FBXL13: variants seen among roughly 807,000 people sequenced by gnomAD.
FBXL13 encodes the protein F-box and leucine-rich repeat protein 13.
In FBXL13, 67 loss-of-function variants were observed where a neutral mutation model predicts 83.6. That is an observed-to-expected ratio of 0.80 (90% CI 0.66 to 0.98). The LOEUF (loss-of-function observed/expected upper bound fraction) is 0.98. FBXL13 is among the 50% of genes least tolerant of loss of function. The pLI, the probability that FBXL13 is intolerant of heterozygous loss-of-function variation, is 0.00. For synonymous variants in FBXL13, 272 were observed against 299.5 expected (o/e 0.91, Z 0.95); for missense variants, 822 against 866.5 (o/e 0.95, Z 0.64).
intron 10 of FBXL13, among the ~76,000 whole-genome samples, chr7:102,920,398 T>C (rs541625909): frequency 1.3e-5 from 2 of 152,118 alleles, no homozygotes; most frequent in Non-Finnish European, 2.9e-5. Flanking sequence ...GACAGGGTCT[T>C]ACTCTGTCAC....
intron 18 of FBXL13, among the ~76,000 whole-genome samples, chr7:102,832,615 G>T (rs576483345): frequency 1.4e-4 from 21 of 152,096 alleles, no homozygotes; most frequent in Non-Finnish European, 2.8e-4. Context: ...TTTGACACAT[G>T]TTTATATTTG....
Position 102,884,293 on chromosome 7 carries a change from C to T in FBXL13, c.1028G>A (p.Arg343Lys), listed in dbSNP as rs770605328. The T allele has an allele frequency of 5.6e-6, 9 of 1,613,500 alleles. No homozygotes were observed. The South Asian group carries it at 8.8e-5, about 16-fold the overall frequency. ...TCCAGTGCAGCTGTTTGCAATGTAC[C>T]TGAAGCCTTGGACTGAAATCTGAAT... The change falls in exon 12 of 20, where the codon AGG becomes AAG. Residue 343 changes from arginine to lysine, a missense_variant. Physicochemically the swap from Arg to Lys is conservative, Grantham distance 26. Coordinates refer to ENST00000313221, the Ensembl canonical transcript of FBXL13.
At chr7:103,044,615 G>C (rs777167785) in intron 2 of FBXL13, among the ~76,000 whole-genome samples, 13 of 152,186 alleles carry the variant, frequency 8.5e-5, no homozygotes, top group Admixed American at 8.5e-4. Context: ...GCTGATTATT[G>C]TTCAAGTTAG....
At chr7:102,901,591 A>T (rs1812970935) in intron 11 of FBXL13, among the ~76,000 whole-genome samples, 1 of 151,682 alleles carries the variant, frequency 6.6e-6, no homozygotes, top group Non-Finnish European at 1.5e-5. Context: ...TCATCCTTCT[A>T]CTCTCTATGC....
intron 8 of FBXL13, among the ~76,000 whole-genome samples, chr7:102,960,656 C>A (rs1825042795): frequency 6.6e-6 from 1 of 151,984 alleles, no homozygotes; most frequent in African/African-American, 2.4e-5. Flanking sequence ...GGGCTTCATC[C>A]CTGGGATGCA....
In FBXL13 at chr7:102,842,684, C is replaced by T. The variant is rs542069708; in HGVS notation, c.1720-9710G>A. Among the ~76,000 whole-genome samples the T allele has an allele frequency of 3.3e-5, 5 of 152,124 alleles. No homozygotes were observed. In the South Asian group the frequency reaches 6.2e-4, roughly 19 times the overall value. ...GAACAGGCTGGTCATAGGCCATTGT[C>T]GGGGAGGAAGATTTTGACTGGACTG... On this transcript the variant is annotated intron_variant, in intron 17 of 19. Coordinates refer to ENST00000313221, the Ensembl canonical transcript of FBXL13.
intron 18 of FBXL13, among the ~76,000 whole-genome samples, chr7:102,831,321 GAT>G (rs1800625638): frequency 6.6e-6 from 1 of 151,924 alleles, no homozygotes; most frequent in African/African-American, 2.4e-5. Flanking sequence ...GGTCTGGAGG[GAT>G]GGGATCTTAT....
At chr7:102,884,786 T>C (rs1410748955) in intron 11 of FBXL13, among the ~76,000 whole-genome samples, 2 of 152,218 alleles carry the variant, frequency 1.3e-5, no homozygotes, top group East Asian at 1.9e-4. Context: ...CATTAAGCAA[T>C]TGCTGCCTAT....
exon 1 of FBXL13, chr7:103,074,539 T>A (rs1799450774): frequency 8.3e-7 from 1 of 1,210,426 alleles, no homozygotes; most frequent in African/African-American, 1.6e-5. Flanking sequence ...CGCCTACAAG[T>A]CCGAATTTGA....
intron 16 of FBXL13, among the ~76,000 whole-genome samples, chr7:102,860,463 G>A (rs1806642986): frequency 6.6e-6 from 1 of 152,212 alleles, no homozygotes; most frequent in Non-Finnish European, 1.5e-5. Context: ...GACTTCATGT[G>A]CAAAGTGTGA....
chr7:103,030,232 T>C (rs1360375039), intron 2 of FBXL13: 2 of 152,218 alleles, frequency 1.3e-5, no homozygotes, highest in Non-Finnish European at 1.5e-5. Context: ...TTGCTGTAAA[T>C]ACTTTGTTAA....
chr7:102,883,227 C>G, intron 14 of FBXL13, 78 bp downstream of exon 15: 2 of 1,378,052 alleles, frequency 1.5e-6, no homozygotes, highest in South Asian at 1.5e-5. Context: ...CCCCACAAAC[C>G]ATAAGTTCCT....
intron 16 of FBXL13, among the ~76,000 whole-genome samples, chr7:102,868,865 G>T (rs1038747971): frequency 6.6e-6 from 1 of 152,016 alleles, no homozygotes; most frequent in Non-Finnish European, 1.5e-5. Context: ...ACGAGGTTTC[G>T]CCATGTTGGC....
chr7:102,889,261 A>G (rs557512568), intron 11 of FBXL13, among the ~76,000 whole-genome samples: 1 of 152,272 alleles, frequency 6.6e-6, no homozygotes, highest in African/African-American at 2.4e-5. Flanking sequence ...ATAGTGTCTG[A>G]CACAGAGTGG....
At chr7:102,975,791 G>C (rs539072261) in intron 6 of FBXL13, 8 of 596,830 alleles carry the variant, frequency 1.3e-5, no homozygotes, top group Admixed American at 2.9e-5. Flanking sequence ...ACCCCACAAC[G>C]AGACTTTCTT....
intron 1 of FBXL13, among the ~76,000 whole-genome samples, chr7:103,057,435 GTTGTT>G (rs781188965): frequency 6.6e-5 from 10 of 151,684 alleles, no homozygotes; most frequent in Non-Finnish European, 1.2e-4. Flanking sequence ...GTTTTGTTCT[GTTGTT>G]TTGTTTTGTT....
At chr7:103,036,875 A>C (rs554035818) in intron 2 of FBXL13, among the ~76,000 whole-genome samples, 1 of 152,336 alleles carries the variant, frequency 6.6e-6, no homozygotes, top group South Asian at 2.1e-4. Context: ...TAACATTTGT[A>C]CTTTAATGCT....
At chr7:102,878,747 T>A (rs1170879783) in intron 14 of FBXL13, among the ~76,000 whole-genome samples, 1 of 152,162 alleles carries the variant, frequency 6.6e-6, no homozygotes, top group Non-Finnish European at 1.5e-5. Flanking sequence ...TAAAAAGTGA[T>A]CAAGTTAAGT....
chr7:103,074,274 G>C (rs768281561), exon 1 of FBXL13: 16 of 1,004,914 alleles, frequency 1.6e-5, no homozygotes, highest in Non-Finnish European at 1.9e-5. Flanking sequence ...CCTTATCTTA[G>C]GTGACTAGTG....
Sources: gnomAD v4.1 joint callset for allele counts (sites outside exome capture counted in the v4.1 genomes callset) on GRCh38, gnomAD v4.1.1 for gene constraint, MANE v1.5 for transcripts, NCBI Gene and HGNC (gene_info 2026-07-23, HGNC 2026-07-21) for gene names.